Variants in VWA8 observed in about 807,000 individuals in gnomAD.
VWA8 encodes the protein von Willebrand factor A domain containing 8, also known as von Willebrand factor A domain-containing protein 8.
A neutral mutation model predicts 241.5 loss-of-function variants in VWA8; 221 were observed. The observed-to-expected ratio is 0.91, with a 90% confidence interval of 0.82 to 1.02. The LOEUF (loss-of-function observed/expected upper bound fraction) is 1.02, where lower values mean the gene tolerates loss of function less well. VWA8 is among the 50% of genes least tolerant of loss of function. The probability of loss-of-function intolerance (pLI) is 0.00; values close to 1 mark genes in which losing one functional copy is unlikely to be tolerated. For synonymous variants in VWA8, 852 were observed against 827.1 expected (o/e 1.03, Z -0.52); for missense variants, 2,322 against 2,328.7 (o/e 1.00, Z 0.06).
chr13:41,718,135 A>C (rs1217575088), intron 26 of VWA8, among the ~76,000 whole-genome samples: 1 of 151,980 alleles, frequency 6.6e-6, no homozygotes, highest in Non-Finnish European at 1.5e-5. Context: ...AGAGTAGAAA[A>C]AGAAATTGTT....
Position 41,671,111 on chromosome 13 carries a change from C to G in VWA8, c.4446G>C (p.Ser1482=). Reference sequence around the variant, plus strand: ...GCAGTGCATCTGTGTCTGAAATGGTCGACAGCCATGTGGTATACGGCGAGA... The same window carrying G: ...GCAGTGCATCTGTGTCTGAAATGGTGGACAGCCATGTGGTATACGGCGAGA... ...ESLSPYTTWL[S]TISDTDALLA... is the part of the protein sequence containing the mutation. Residue 1482 remains serine, a synonymous_variant, in exon 37 of 45, where the codon TCG becomes TCC. Transcript: ENST00000379310. 1 of 1,613,718 alleles carries G rather than the reference C, an allele frequency of 6.2e-7. No individual in the cohort carries two copies. The highest frequency in any genetic ancestry group is 8.5e-7 in the Non-Finnish European group (1 of 1,179,822).
intron 4 of VWA8, among the ~76,000 whole-genome samples, chr13:41,900,653 T>C (rs933534857): frequency 2.1e-4 from 32 of 152,152 alleles, no homozygotes; most frequent in African/African-American, 7.7e-4. Context: ...CAAGGGGTAT[T>C]ATACAGTGTA....
intron 1 of VWA8, among the ~76,000 whole-genome samples, 182 bp downstream of exon 1, chr13:41,960,671 G>A (rs937648870): frequency 5.3e-5 from 8 of 152,164 alleles, no homozygotes; most frequent in African/African-American, 1.7e-4. Context: ...CGAGCGCCTT[G>A]CCCCCACGTT....
At chr13:41,761,720 C>G (rs1050328967) in intron 20 of VWA8, among the ~76,000 whole-genome samples, 17 of 152,008 alleles carry the variant, frequency 1.1e-4, no homozygotes, top group South Asian at 6.2e-4. Context: ...CCTTGGAAAC[C>G]TAAACTTAAA....
At chr13:41,867,682 C>A (rs1469499285) in intron 10 of VWA8, among the ~76,000 whole-genome samples, 1 of 152,058 alleles carries the variant, frequency 6.6e-6, no homozygotes, top group Non-Finnish European at 1.5e-5. Context: ...AGTACAGTAA[C>A]ATGAATTAAT....
chr13:41,647,913 C>T (rs1048945191), intron 37 of VWA8, among the ~76,000 whole-genome samples: 12 of 152,056 alleles, frequency 7.9e-5, no homozygotes, highest in Non-Finnish European at 1.2e-4. Context: ...CGCCTAAACC[C>T]GGGAGGCAGA....
intron 5 of VWA8, among the ~76,000 whole-genome samples, chr13:41,889,931 T>C (rs1874746134): frequency 6.6e-6 from 1 of 152,262 alleles, no homozygotes; most frequent in African/African-American, 2.4e-5. Context: ...GAAAACGTTC[T>C]GCATAATAGC....
At position 41,644,619 on chromosome 13, in the gene VWA8, C is replaced by T. The variant is rs140970738; in HGVS notation, c.4611+26327G>A. Among the ~76,000 whole-genome samples the T allele has an allele frequency of 1.5e-3, 229 of 152,306 alleles. 5 individuals are homozygous for T. In the East Asian group the frequency reaches 0.035, roughly 23 times the overall value. The stretch of plus-strand genomic sequence containing the variant: ...AGTGCAGGTGTGTTAGTGTGCCCCA[C>T]GAGGCGGGGGATGGCCTCCTGTGCA... On this transcript the variant is annotated intron_variant, in intron 37 of 44. Transcript: ENST00000379310.
intron 40 of VWA8, among the ~76,000 whole-genome samples, chr13:41,597,436 T>C (rs916336331): frequency 1.3e-5 from 2 of 152,100 alleles, no homozygotes; most frequent in Admixed American, 1.3e-4. Context: ...GTGCTCTCAA[T>C]AGTGAAAGAA....
chr13:41,762,099 G>A lies in VWA8; in HGVS notation c.2350-895C>T, dbSNP rs534628091. Among the ~76,000 whole-genome samples, 4 of 152,164 alleles carry A rather than the reference G, an allele frequency of 2.6e-5. No homozygotes were observed. In the South Asian group the frequency reaches 8.3e-4, roughly 32 times the overall value. On this transcript the variant is annotated intron_variant, in intron 20 of 44. Coordinates refer to ENST00000379310, the MANE Select transcript of VWA8 (RefSeq NM_015058.2). ...AACTTTTTGAGCACCAACAAGATGT[G>A]CAAAGGTCATGCTCAACAGAAATGC...
intron 21 of VWA8, among the ~76,000 whole-genome samples, chr13:41,752,797 A>G (rs1251237411): frequency 1.3e-5 from 2 of 152,148 alleles, no homozygotes; most frequent in African/African-American, 2.4e-5. Context: ...TCCTCACAAC[A>G]ACCCTGCAAG....
intron 24 of VWA8, among the ~76,000 whole-genome samples, chr13:41,721,924 CATTT>C (rs1396392509): frequency 2.0e-5 from 3 of 151,974 alleles, no homozygotes; most frequent in African/African-American, 7.3e-5. Flanking sequence ...ATGTTTAGCG[CATTT>C]ATTTTTCCAG....
intron 12 of VWA8, among the ~76,000 whole-genome samples, chr13:41,857,018 T>A (rs1872781807): frequency 6.6e-6 from 1 of 152,158 alleles, no homozygotes; most frequent in African/African-American, 2.4e-5. Flanking sequence ...TATATACTAC[T>A]GTGTATTTGA....
chr13:41,711,410 G>A (rs2045315316), intron 26 of VWA8, among the ~76,000 whole-genome samples: 2 of 152,158 alleles, frequency 1.3e-5, no homozygotes, highest in South Asian at 2.1e-4. Context: ...TTCTTTGAAT[G>A]AATATAGGAG....
chr13:41,705,299 C>A (rs1333226085), intron 26 of VWA8, among the ~76,000 whole-genome samples: 2 of 92,224 alleles, frequency 2.2e-5, no homozygotes, highest in African/African-American at 8.6e-5. Context: ...TGCAGGGGGT[C>A]GGGGGAGGGT....
intron 37 of VWA8, among the ~76,000 whole-genome samples, chr13:41,661,565 A>G (rs2044950228): frequency 6.6e-6 from 1 of 152,218 alleles, no homozygotes; most frequent in Non-Finnish European, 1.5e-5. Flanking sequence ...TCTTACTCCA[A>G]AAATGATACC....
chr13:41,720,072 C>T (rs2045376645), intron 25 of VWA8, among the ~76,000 whole-genome samples: 1 of 152,014 alleles, frequency 6.6e-6, no homozygotes, highest in African/African-American at 2.4e-5. Flanking sequence ...CCAGATCGAA[C>T]AGTTTAAAAA....
intron 17 of VWA8, among the ~76,000 whole-genome samples, chr13:41,797,425 T>C (rs1441614682): frequency 6.6e-6 from 1 of 152,192 alleles, no homozygotes; most frequent in African/African-American, 2.4e-5. Flanking sequence ...TGCATATTCA[T>C]TGTCCACTGG....
intron 37 of VWA8, among the ~76,000 whole-genome samples, chr13:41,648,749 GA>G (rs33997562): frequency 0.04 from 6,148 of 152,172 alleles, 157 homozygotes; most frequent in South Asian, 0.078. Context: ...ATAACACATA[GA>G]AGCACGGTAC....
Sources: gnomAD v4.1 joint callset for allele counts (sites outside exome capture counted in the v4.1 genomes callset) on GRCh38, gnomAD v4.1.1 for gene constraint, MANE v1.5 for transcripts, NCBI Gene and HGNC (gene_info 2026-07-23, HGNC 2026-07-21) for gene names.